Variants in ROBO2 observed in about 807,000 individuals in gnomAD.
The protein encoded by ROBO2 is roundabout homolog 2.
ROBO2 carries 53 observed loss-of-function variants against 160.8 expected under a neutral mutation model. The observed-to-expected ratio is 0.33, with a 90% CI of 0.26 to 0.41. The LOEUF (loss-of-function observed/expected upper bound fraction) is 0.41. ROBO2 is among the 10% of genes least tolerant of loss of function. The pLI is 1.00. For missense variants in ROBO2, 1,577 were observed against 1,722.4 expected, an observed-to-expected ratio of 0.92 and a Z score of 1.49; for synonymous variants, 664 against 611.7, an observed-to-expected ratio of 1.09 and a Z score of -1.26.
chr3:76,051,299 C>T (rs2067647035), intron 2 of ROBO2, among the ~76,000 whole-genome samples: 1 of 152,074 alleles, frequency 6.6e-6, no homozygotes, highest in Non-Finnish European at 1.5e-5. Flanking sequence ...GTCCAAAGTT[C>T]CTCTAAAGAA....
intron 2 of ROBO2, among the ~76,000 whole-genome samples, chr3:75,958,888 C>T (rs1031242743): frequency 2.0e-5 from 3 of 151,752 alleles, no homozygotes; most frequent in Non-Finnish European, 2.9e-5. Context: ...TTTTGTGATG[C>T]TTTTCCCTCT....
chr3:76,117,296 G>A (rs996627021), intron 2 of ROBO2, among the ~76,000 whole-genome samples: 1 of 152,102 alleles, frequency 6.6e-6, no homozygotes, highest in African/African-American at 2.4e-5. Context: ...CATTATTGTG[G>A]CTATTTTCAC....
At chr3:77,229,824 T>C (rs572312613) in intron 2 of ROBO2, among the ~76,000 whole-genome samples, 1 of 152,326 alleles carries the variant, frequency 6.6e-6, no homozygotes, top group East Asian at 1.9e-4. Context: ...TTTCAACCCG[T>C]TGAAATCAAG....
At chr3:77,395,742 A>G (rs982631557) in intron 2 of ROBO2, among the ~76,000 whole-genome samples, 2 of 152,070 alleles carry the variant, frequency 1.3e-5, no homozygotes, top group African/African-American at 4.8e-5. Context: ...ATTATTTATT[A>G]CCAGAATTTT....
At chr3:76,803,494 AGGAAG>A (rs2064411779) in intron 2 of ROBO2, among the ~76,000 whole-genome samples, 1 of 149,958 alleles carries the variant, frequency 6.7e-6, no homozygotes, top group African/African-American at 2.5e-5. Flanking sequence ...GGAGGGAGAG[AGGAAG>A]GGAGGAGGGG....
chr3:75,990,684 G>T (rs924257720), intron 2 of ROBO2, among the ~76,000 whole-genome samples: 13 of 152,264 alleles, frequency 8.5e-5, no homozygotes, highest in African/African-American at 2.9e-4. Context: ...GGTAAGAGTT[G>T]TATTTATGCT....
At chr3:76,887,569 C>T (rs891684169) in intron 2 of ROBO2, among the ~76,000 whole-genome samples, 5 of 151,868 alleles carry the variant, frequency 3.3e-5, no homozygotes, top group East Asian at 1.9e-4. Context: ...CTGCCATCCC[C>T]GTCCTCTTAT....
chr3:76,901,568 CA>C (rs34372046), intron 2 of ROBO2, among the ~76,000 whole-genome samples: 11,879 of 75,338 alleles, frequency 0.16, 365 homozygotes, highest in South Asian at 0.2. Flanking sequence ...AATTTCATCT[CA>C]AAAAAAAAAA....
chr3:76,521,654 G>A (rs955475555), intron 2 of ROBO2, among the ~76,000 whole-genome samples: 44 of 152,270 alleles, frequency 2.9e-4, no homozygotes, highest in African/African-American at 9.9e-4. Context: ...TAATGGTGAA[G>A]TCTCTATAGA....
chr3:77,246,246 A>G (rs1382786804), intron 2 of ROBO2, among the ~76,000 whole-genome samples: 1 of 151,788 alleles, frequency 6.6e-6, no homozygotes, highest in Non-Finnish European at 1.5e-5. Context: ...GAAATCTGTG[A>G]TCTCTTCCCT....
At chr3:76,215,859 C>A (rs1025103880) in intron 2 of ROBO2, among the ~76,000 whole-genome samples, 4 of 152,064 alleles carry the variant, frequency 2.6e-5, no homozygotes, top group African/African-American at 7.2e-5. Context: ...ACATAACTGG[C>A]AGATTCACCA....
intron 2 of ROBO2, among the ~76,000 whole-genome samples, chr3:77,211,524 A>G (rs1190535276): frequency 2.0e-5 from 3 of 150,892 alleles, no homozygotes; most frequent in East Asian, 2.0e-4. Flanking sequence ...TTTTTCTCCC[A>G]TTCTGTTCAC....
intron 24 of ROBO2, among the ~76,000 whole-genome samples, chr3:77,639,865 G>A (rs1463625033): frequency 6.6e-6 from 1 of 152,158 alleles, no homozygotes; most frequent in East Asian, 1.9e-4. Context: ...TGTACTAAAT[G>A]AGGCAAGGTG....
At chr3:76,894,236 T>G (rs2074591447) in intron 2 of ROBO2, among the ~76,000 whole-genome samples, 1 of 152,120 alleles carries the variant, frequency 6.6e-6, no homozygotes, top group South Asian at 2.1e-4. Flanking sequence ...TGTTTGCATA[T>G]GATTTTGTGT....
At chr3:76,286,079 G>A (rs1708490791) in intron 2 of ROBO2, among the ~76,000 whole-genome samples, 1 of 152,164 alleles carries the variant, frequency 6.6e-6, no homozygotes, top group African/African-American at 2.4e-5. Flanking sequence ...GTTCATAGAA[G>A]CCATAAGCAG....
At chr3:76,282,522 A>G (rs1282205645) in intron 2 of ROBO2, among the ~76,000 whole-genome samples, 1 of 152,094 alleles carries the variant, frequency 6.6e-6, no homozygotes, top group Non-Finnish European at 1.5e-5. Context: ...ATGTTTATAA[A>G]TGTAATTGCT....
intron 2 of ROBO2, among the ~76,000 whole-genome samples, chr3:76,235,282 C>G (rs910345694): frequency 6.6e-6 from 1 of 152,044 alleles, no homozygotes; most frequent in Non-Finnish European, 1.5e-5. Context: ...GAGCACCGCC[C>G]CACCGCCCAA....
chr3:77,221,834 TTTC>T (rs777513249), intron 2 of ROBO2, among the ~76,000 whole-genome samples: 67 of 151,756 alleles, frequency 4.4e-4, no homozygotes, highest in Non-Finnish European at 7.7e-4. Flanking sequence ...CTTTTTCTTT[TTTC>T]TTTTCTTTTT....
At chr3:77,005,668 A>C (rs2061543756) in intron 2 of ROBO2, among the ~76,000 whole-genome samples, 1 of 152,220 alleles carries the variant, frequency 6.6e-6, no homozygotes, top group South Asian at 2.1e-4. Flanking sequence ...AAACAAGGCT[A>C]GTAACTGATG....
Sources: gnomAD v4.1 joint callset for allele counts (sites outside exome capture counted in the v4.1 genomes callset) on GRCh38, gnomAD v4.1.1 for gene constraint, MANE v1.5 for transcripts, NCBI Gene and HGNC (gene_info 2026-07-23, HGNC 2026-07-21) for gene names.